The following DIS3L2 variants were observed in gnomAD, a reference collection of about 807,000 sequenced individuals.
DIS3L2 encodes the protein DIS3-like exonuclease 2.
DIS3L2 carries 34 observed loss-of-function variants against 97.5 expected under a neutral mutation model. That is an observed-to-expected ratio of 0.35 (90% CI 0.27 to 0.46). DIS3L2 has a LOEUF of 0.46. DIS3L2 is among the 20% of genes least tolerant of loss of function. The pLI, the probability that DIS3L2 is intolerant of heterozygous loss-of-function variation, is 1.00. For missense variants in DIS3L2, 1,038 were observed against 1,146.0 expected (o/e 0.91, Z 1.36); for synonymous variants, 435 against 445.2 (o/e 0.98, Z 0.29).
At chr2:231,979,038 G>C (rs1334847475) in intron 1 of DIS3L2, among the ~76,000 whole-genome samples, 1 of 151,650 alleles carries the variant, frequency 6.6e-6, no homozygotes, top group East Asian at 1.9e-4. Flanking sequence ...CAATTGATTT[G>C]TCTTTATGAT....
intron 1 of DIS3L2, among the ~76,000 whole-genome samples, chr2:231,987,625 A>G (rs1015336224): frequency 3.3e-5 from 5 of 152,186 alleles, no homozygotes; most frequent in Admixed American, 6.5e-5. Flanking sequence ...ATGCGTAAGC[A>G]CTGGGAATCT....
At chr2:232,174,675 A>G (rs1691098712) in intron 9 of DIS3L2, among the ~76,000 whole-genome samples, 1 of 151,836 alleles carries the variant, frequency 6.6e-6, no homozygotes, top group African/African-American at 2.4e-5. Context: ...GTCATCTGCA[A>G]ATAGGGAAGT....
At chr2:232,131,533 C>G (rs1484234236) in intron 7 of DIS3L2, 1 of 152,190 alleles carries the variant, frequency 6.6e-6, no homozygotes, top group Non-Finnish European at 1.5e-5. Flanking sequence ...CTGCCTGCCT[C>G]AGCCTCCCAA....
chr2:232,279,504 G>GTGTTTGTT (rs112447261), intron 13 of DIS3L2, among the ~76,000 whole-genome samples: 55 of 149,724 alleles, frequency 3.7e-4, no homozygotes, highest in South Asian at 1.5e-3. Flanking sequence ...ATTGGTGTGT[G>GTGTTTGTT]TGTTTGTTTG....
chr2:232,053,599 C>G (rs1290123669), intron 5 of DIS3L2, among the ~76,000 whole-genome samples: 3 of 152,222 alleles, frequency 2.0e-5, no homozygotes, highest in Admixed American at 1.3e-4. Flanking sequence ...TGGGGATTCC[C>G]ATGGCCCCCT....
chr2:232,281,417 A>G lies in DIS3L2; in HGVS notation c.1659+17977A>G, dbSNP rs570122545. ...CTGTCTCAAAAAGAAAAAAAGAAATATGAATGTTTTCTTGAATTCAACTTG... is the reference window on the plus strand; with the variant it reads ...CTGTCTCAAAAAGAAAAAAAGAAATGTGAATGTTTTCTTGAATTCAACTTG... On this transcript the variant is annotated intron_variant, in intron 13 of 20. Coordinates refer to ENST00000325385, the MANE Select transcript of DIS3L2 (RefSeq NM_152383.5). This position sits in a 1 kb window ranked among gnomAD's most constrained non-coding sequence, Gnocchi z 4.1. Among the ~76,000 whole-genome samples, 5 of 152,132 alleles carry G rather than the reference A, an allele frequency of 3.3e-5. No individual in the cohort carries two copies. The East Asian group carries it at 9.6e-4, about 29-fold the overall frequency.
chr2:232,096,752 A>G (rs1210125422), intron 6 of DIS3L2, among the ~76,000 whole-genome samples: 1 of 151,590 alleles, frequency 6.6e-6, no homozygotes, highest in African/African-American at 2.4e-5. Flanking sequence ...TTTCAGCTCC[A>G]GATTTTCTGT....
At chr2:232,291,385 T>C (rs1052802494) in intron 13 of DIS3L2, among the ~76,000 whole-genome samples, 1 of 152,278 alleles carries the variant, frequency 6.6e-6, no homozygotes, top group African/African-American at 2.4e-5. Context: ...TCTGATCTTT[T>C]AAATTCTGCC....
At chr2:231,981,132 TG>T (rs1395935288) in intron 1 of DIS3L2, among the ~76,000 whole-genome samples, 1 of 152,064 alleles carries the variant, frequency 6.6e-6, no homozygotes, top group Non-Finnish European at 1.5e-5. Flanking sequence ...TTATTAGAGA[TG>T]GGGTTTCTCC....
At chr2:232,074,497 T>G (rs545107000) in intron 5 of DIS3L2, among the ~76,000 whole-genome samples, 1 of 151,782 alleles carries the variant, frequency 6.6e-6, no homozygotes, top group East Asian at 1.9e-4. Flanking sequence ...TAAAAATGAA[T>G]GTAATGTGGT....
chr2:232,018,366 C>G (rs1694413759), intron 3 of DIS3L2, among the ~76,000 whole-genome samples: 1 of 152,124 alleles, frequency 6.6e-6, no homozygotes, highest in African/African-American at 2.4e-5. Context: ...GCCAGGGCCT[C>G]CCCCCTACAT....
intron 9 of DIS3L2, among the ~76,000 whole-genome samples, chr2:232,187,854 A>T (rs188542254): frequency 1.3e-3 from 202 of 152,216 alleles, no homozygotes; most frequent in Non-Finnish European, 2.4e-3. Flanking sequence ...TGGGCAACAT[A>T]ATAAGATCCT....
Position 232,210,349 on chromosome 2 carries a change from AC to A in DIS3L2, c.1151del (p.Pro384HisfsTer30). ...AGAAAAGACTGTATCTTCACCATTG[AC>A]CCATCAACCGCCCGAGACCTCGATG... Reference protein sequence around the residue: ...DLRKDCIFTIDPSTARDLDDA... With the variant: ...DLRKDCIFTIXPSTARDLDDA... On this transcript the variant is annotated frameshift_variant, in exon 10 of 21. Coordinates refer to ENST00000325385, the MANE Select transcript of DIS3L2 (RefSeq NM_152383.5). LOFTEE classifies it high-confidence loss of function. 1 of 1,613,598 alleles carries A rather than the reference AC, an allele frequency of 6.2e-7. No homozygotes were observed. Among genetic ancestry groups the A allele is most frequent in the Non-Finnish European group, 8.5e-7 (1 of 1,179,622 alleles).
Position 232,327,577 on chromosome 2 carries a change from C to T in DIS3L2, c.1740-2236C>T, listed in dbSNP as rs142018696. Among the ~76,000 whole-genome samples the T allele has an allele frequency of 3.2e-3, 490 of 152,284 alleles. 3 individuals carry two copies. The highest frequency in any genetic ancestry group is 0.011 in the African/African-American group (445 of 41,566). Reference sequence around the variant, plus strand: ...TATTTTTCAAGCAGGAATTTTGATTCCTCTTGGGTTCACAATATCTTATTA... The same window carrying T: ...TATTTTTCAAGCAGGAATTTTGATTTCTCTTGGGTTCACAATATCTTATTA... On this transcript the variant is annotated intron_variant, in intron 14 of 20. Coordinates refer to ENST00000325385, the MANE Select transcript of DIS3L2 (RefSeq NM_152383.5).
chr2:232,121,369 T>A (rs1697899632), intron 6 of DIS3L2, among the ~76,000 whole-genome samples: 1 of 152,226 alleles, frequency 6.6e-6, no homozygotes, highest in Non-Finnish European at 1.5e-5. Context: ...TAAATGTTGA[T>A]GTTCTCCACT....
intron 10 of DIS3L2, among the ~76,000 whole-genome samples, chr2:232,214,889 C>G (rs11901976): frequency 0.098 from 14,932 of 152,214 alleles, 816 homozygotes; most frequent in African/African-American, 0.15. Context: ...TCTTGTTTCT[C>G]TAAAGTTGTA....
At chr2:232,042,190 C>A (rs1403095059) in intron 5 of DIS3L2, among the ~76,000 whole-genome samples, 12 of 152,056 alleles carry the variant, frequency 7.9e-5, no homozygotes, top group Admixed American at 7.9e-4. Context: ...CACATTTAAT[C>A]CCTAATTTTC....
intron 12 of DIS3L2, among the ~76,000 whole-genome samples, chr2:232,261,559 G>A (rs948495173): frequency 3.3e-5 from 5 of 152,202 alleles, no homozygotes; most frequent in Admixed American, 1.3e-4. Context: ...ATGGGAGGCC[G>A]AAGCTCTGGC....
chr2:232,135,800 C>CG (rs1698338654), intron 7 of DIS3L2, among the ~76,000 whole-genome samples: 2 of 151,952 alleles, frequency 1.3e-5, no homozygotes, highest in Non-Finnish European at 2.9e-5. Flanking sequence ...TCGGCAAGCT[C>CG]TGAGGAAGGG....
Sources: gnomAD v4.1 joint callset for allele counts (sites outside exome capture counted in the v4.1 genomes callset) on GRCh38, gnomAD v4.1.1 for gene constraint, Gnocchi (gnomAD v3.1) non-coding constraint, MANE v1.5 for transcripts, NCBI Gene and HGNC (gene_info 2026-07-23, HGNC 2026-07-21) for gene names.